The following PTPRN2 variants were observed in gnomAD, a reference collection of about 807,000 sequenced individuals.
PTPRN2 encodes receptor-type tyrosine-protein phosphatase N2.
Under a neutral mutation model 118.8 loss-of-function variants are expected in PTPRN2, and 74 were observed. The observed-to-expected ratio is 0.62, with a 90% CI of 0.52 to 0.76. The LOEUF (loss-of-function observed/expected upper bound fraction) is 0.76, where lower values mean the gene tolerates loss of function less well. Ranked by LOEUF, PTPRN2 falls within the 30% of genes least tolerant of loss-of-function variation. The pLI is 0.00. For synonymous variants in PTPRN2, 641 were observed against 608.0 expected, an observed-to-expected ratio of 1.05 and a Z score of -0.80; for missense variants, 1,481 against 1,394.4, an observed-to-expected ratio of 1.06 and a Z score of -0.99.
rs114253725 is a variant in PTPRN2 at position 158,355,797 on chromosome 7, G to A, written c.164-38865C>T. Among the ~76,000 whole-genome samples the A allele has an allele frequency of 9.4e-3, 1,439 of 152,330 alleles. 20 individuals are homozygous for A. Among genetic ancestry groups the A allele is most frequent in the African/African-American group, 0.029 (1,223 of 41,570 alleles). On this transcript the variant is annotated intron_variant, in intron 2 of 22. Coordinates refer to ENST00000389418, the MANE Select transcript of PTPRN2 (RefSeq NM_002847.5). The stretch of plus-strand genomic sequence containing the variant: ...CATCCAGGGAACGCAGGGGAAGAGC[G>A]TGAGCGTGAACCCCAAGATGATGGG...
At chr7:157,888,459 T>C (rs1440140217) in intron 12 of PTPRN2, among the ~76,000 whole-genome samples, 1 of 152,096 alleles carries the variant, frequency 6.6e-6, no homozygotes, top group East Asian at 1.9e-4. Flanking sequence ...CTTCTCTTCC[T>C]CCTGGGAGCT....
In PTPRN2 at chr7:158,351,145, G is replaced by A. The variant is rs536538333; in HGVS notation, c.164-34213C>T. Among the ~76,000 whole-genome samples, 330 of 152,284 alleles carry A rather than the reference G, an allele frequency of 2.2e-3. 4 individuals carry two copies. The highest frequency in any genetic ancestry group is 7.4e-3 in the African/African-American group (308 of 41,544). On this transcript the variant is annotated intron_variant, in intron 2 of 22. Transcript: ENST00000389418. The stretch of plus-strand genomic sequence containing the variant: ...ATGCGGGAGGCAGAAGGACCTCACC[G>A]ACGGCATCTCTCGCCACCTCGAGGG...
intron 3 of PTPRN2, among the ~76,000 whole-genome samples, chr7:158,267,150 T>C (rs906134103): frequency 7.2e-5 from 11 of 152,188 alleles, no homozygotes; most frequent in Non-Finnish European, 1.6e-4. Flanking sequence ...ATGTTGACAC[T>C]TTGCGTGGAA....
intron 12 of PTPRN2, among the ~76,000 whole-genome samples, chr7:157,700,592 C>T (rs1201220710): frequency 6.6e-6 from 1 of 152,192 alleles, no homozygotes; most frequent in East Asian, 1.9e-4. Context: ...CTCCTGCAGT[C>T]CTGGGGTCTG....
intron 12 of PTPRN2, among the ~76,000 whole-genome samples, chr7:157,844,197 G>T (rs779691825): frequency 6.6e-6 from 1 of 152,244 alleles, no homozygotes; most frequent in African/African-American, 2.4e-5. Flanking sequence ...ACACACAGGA[G>T]GTGGTGTGCA....
chr7:158,418,346 G>A (rs1814926992), intron 2 of PTPRN2, among the ~76,000 whole-genome samples: 1 of 150,752 alleles, frequency 6.6e-6, no homozygotes, highest in African/African-American at 2.4e-5. Context: ...AGCTCTCCGT[G>A]TCCCGCTGTG....
At chr7:158,381,613 C>T (rs1042236232) in intron 2 of PTPRN2, among the ~76,000 whole-genome samples, 1 of 152,208 alleles carries the variant, frequency 6.6e-6, no homozygotes, top group Non-Finnish European at 1.5e-5. Flanking sequence ...ACTGTTCCAA[C>T]CCCTGCCTGT....
Position 158,531,429 on chromosome 7 carries a change from G to A in PTPRN2, c.113-41644C>T, listed in dbSNP as rs182603521. On this transcript the variant is annotated intron_variant, in intron 1 of 22. Coordinates refer to ENST00000389418, the MANE Select transcript of PTPRN2 (RefSeq NM_002847.5). ...CAACCCCATCCAGATCCAGGCCTGC[G>A]AGCCCAGGGGTGGCACAGAAACAGC... is the stretch of plus-strand genomic sequence containing the variant. Among the ~76,000 whole-genome samples the A allele has an allele frequency of 1.1e-3, 165 of 152,328 alleles. 1 individual carries two copies. The highest frequency in any genetic ancestry group is 3.8e-3 in the African/African-American group (159 of 41,576).
chr7:157,963,993 T>C (rs1801723879), intron 11 of PTPRN2, among the ~76,000 whole-genome samples: 1 of 152,192 alleles, frequency 6.6e-6, no homozygotes, highest in Admixed American at 6.5e-5. Flanking sequence ...AGTCATTAAG[T>C]CCTAATTACA....
At chr7:158,181,030 G>A (rs1215695617) in intron 5 of PTPRN2, among the ~76,000 whole-genome samples, 3 of 152,064 alleles carry the variant, frequency 2.0e-5, no homozygotes, top group Non-Finnish European at 2.9e-5. Flanking sequence ...TTCGCAGGGG[G>A]GATGCTTTCA....
At chr7:157,775,952 CAG>C (rs915726586) in intron 12 of PTPRN2, among the ~76,000 whole-genome samples, 2 of 152,032 alleles carry the variant, frequency 1.3e-5, no homozygotes, top group Admixed American at 1.3e-4. Context: ...AATGCAGACT[CAG>C]AGGTGTGCAT....
chr7:158,299,677 C>T (rs1337367627), intron 3 of PTPRN2, among the ~76,000 whole-genome samples: 2 of 152,136 alleles, frequency 1.3e-5, no homozygotes, highest in Non-Finnish European at 1.5e-5. Context: ...AGCTTCTCAC[C>T]TCTCTGACAG....
Position 157,764,921 on chromosome 7 carries a change from A to T in PTPRN2, c.1789-81984T>A, listed in dbSNP as rs1384674044. ...CATCTACCCATCCATCCATCCATTG[A>T]TCCATCCATATCCATCCATCCATAT... On this transcript the variant is annotated intron_variant, in intron 12 of 22. Coordinates refer to ENST00000389418, the MANE Select transcript of PTPRN2 (RefSeq NM_002847.5). This position sits in a 1 kb window ranked among gnomAD's most constrained non-coding sequence, Gnocchi z 4.5. Among the ~76,000 whole-genome samples, 1 of 143,864 alleles carries T rather than the reference A, an allele frequency of 7.0e-6. No individual in the cohort carries two copies. Among genetic ancestry groups the T allele is most frequent in the African/African-American group, 2.6e-5 (1 of 38,484 alleles). 94.4% of individuals were successfully genotyped at this position (143,864 alleles called of 152,430 possible). A position where few individuals can be genotyped will look rare whatever the true frequency, so the allele number is the denominator to read the frequency against.
At chr7:158,192,860 G>A (rs2150707311) in intron 4 of PTPRN2, among the ~76,000 whole-genome samples, 1 of 152,330 alleles carries the variant, frequency 6.6e-6, no homozygotes, top group Non-Finnish European at 1.5e-5. Context: ...GGCAGCCAGA[G>A]GCCGGGTGGG....
chr7:157,664,740 C>T (rs1263568), intron 13 of PTPRN2, among the ~76,000 whole-genome samples: 2 of 152,326 alleles, frequency 1.3e-5, no homozygotes, highest in East Asian at 3.9e-4. Flanking sequence ...ACCCTGGTGA[C>T]AGAGCAAGAC....
intron 2 of PTPRN2, among the ~76,000 whole-genome samples, chr7:158,395,315 G>A (rs1214749494): frequency 2.5e-5 from 3 of 122,194 alleles, no homozygotes; most frequent in African/African-American, 9.9e-5. Flanking sequence ...CGAGGGGTGA[G>A]GGGCGAGGGG....
chr7:158,097,402 A>G (rs1181572424), intron 10 of PTPRN2, among the ~76,000 whole-genome samples: 1 of 152,232 alleles, frequency 6.6e-6, no homozygotes, highest in East Asian at 1.9e-4. Flanking sequence ...TCATCAATCC[A>G]GTAAATCACA....
chr7:158,388,928 C>G (rs912960841), intron 2 of PTPRN2, among the ~76,000 whole-genome samples: 1 of 152,242 alleles, frequency 6.6e-6, no homozygotes, highest in Non-Finnish European at 1.5e-5. Context: ...CCCTCCAATG[C>G]TCAGTGCTGA....
At chr7:158,484,405 C>T (rs1820855821) in intron 2 of PTPRN2, among the ~76,000 whole-genome samples, 1 of 152,212 alleles carries the variant, frequency 6.6e-6, no homozygotes, top group African/African-American at 2.4e-5. Context: ...CTCTGTTGCT[C>T]AGACTGGAGT....
Sources: gnomAD v4.1 joint callset for allele counts (sites outside exome capture counted in the v4.1 genomes callset) on GRCh38, gnomAD v4.1.1 for gene constraint, Gnocchi (gnomAD v3.1) non-coding constraint, MANE v1.5 for transcripts, NCBI Gene and HGNC (gene_info 2026-07-23, HGNC 2026-07-21) for gene names.